IRS4: variants seen among roughly 807,000 people sequenced by gnomAD.
IRS4 encodes the protein 160 kDa phosphotyrosine protein.
In IRS4, 15 loss-of-function variants were observed where a neutral mutation model predicts 48.6. The observed-to-expected ratio is 0.31, with a 90% CI of 0.21 to 0.48. The LOEUF is 0.48. Ranked by LOEUF, IRS4 falls within the 20% of genes least tolerant of loss-of-function variation. The pLI, the probability that IRS4 is intolerant of heterozygous loss-of-function variation, is 0.99. For synonymous variants in IRS4, 459 were observed against 413.2 expected (o/e 1.11, Z -1.34); for missense variants, 987 against 1,023.4 (o/e 0.96, Z 0.49).
In IRS4 at chrX:108,734,579, C is replaced by G. The variant is rs149144348; in HGVS notation, c.1766G>C (p.Gly589Ala). 2.5e-6 allele frequency: 3 copies of G among 1,209,672 alleles called. No individual in the cohort carries two copies. Among genetic ancestry groups the G allele is most frequent in the African/African-American group, 3.5e-5 (2 of 57,021 alleles). The change falls in exon 1 of 2, where the codon GGG becomes GCG. Residue 589 changes from glycine (G) to alanine (A), a missense_variant. Coordinates refer to ENST00000372129, the MANE Select transcript of IRS4 (RefSeq NM_001379150.1). ...GHGSGGGKNS[G>A]GGKGSGSGKG... is the part of the protein sequence containing the mutation. ...CCCACTTCCTGAGCCTTTGCCCCCCCCAGAGTTCTTGCCACCACCTGAGCC... is the reference window on the plus strand; with the variant it reads ...CCCACTTCCTGAGCCTTTGCCCCCCGCAGAGTTCTTGCCACCACCTGAGCC...
rs1329235195 is a variant in IRS4, at chrX:108,721,620, T to A, written c.*899A>T. 9.1e-6 allele frequency: 1 copy of A among 110,493 alleles called. No individual in the cohort carries two copies. Among genetic ancestry groups the A allele is most frequent in the Non-Finnish European group, 1.9e-5 (1 of 52,798 alleles). The allele number at this position is 110,493 out of a possible 1,213,427, so 9.1% of individuals were successfully genotyped here. A position where few individuals can be genotyped will look rare whatever the true frequency, so the allele number is the denominator to read the frequency against. Reference sequence around the variant, plus strand: ...GGAGAAAGAATAAGAAAAAGTAGAATAGAGGTTGAAAGTGGGGAGAGGCCC... The same window carrying A: ...GGAGAAAGAATAAGAAAAAGTAGAAAAGAGGTTGAAAGTGGGGAGAGGCCC... On this transcript the variant is annotated 3_prime_UTR_variant, in exon 2 of 2. Coordinates refer to ENST00000372129, the MANE Select transcript of IRS4 (RefSeq NM_001379150.1).
In IRS4 at chrX:108,736,234, C is replaced by A; in HGVS notation, c.111G>T (p.Ser37=). 8.3e-7 allele frequency: 1 copy of A among 1,210,939 alleles called. No individual in the cohort carries two copies. Among genetic ancestry groups the A allele is most frequent in the Non-Finnish European group, 1.1e-6 (1 of 895,379 alleles). ...TCCCAATGAGTGCGGTCGGGGTTCC[C>A]GAGGAAAGAAGCGGGGTGGTCACCA... The part of the protein sequence containing the change: ...AAVVTTPLLS[S]GTPTALIGTG... Residue 37 remains serine (S), a synonymous_variant, in exon 1 of 2, where the codon TCG becomes TCT. Coordinates refer to ENST00000372129, the MANE Select transcript of IRS4 (RefSeq NM_001379150.1).
At position 108,733,130 on chromosome X, in the gene IRS4, G is replaced by C; in HGVS notation, c.3215C>G (p.Ala1072Gly). The change falls in exon 1 of 2, where the codon GCT (alanine) becomes GGT (glycine). Residue 1072 changes from alanine (A) to glycine (G), a missense_variant. Ala to Gly is a moderately conservative substitution (Grantham distance 60). Transcript: ENST00000372129. ...PSRCSEPPPV[A>G]RLLQEEEQER... Reference sequence around the variant, plus strand: ...CTGCTCTTCTTCCTGCAGCAGCCTAGCTACAGGTGGTGGTTCAGAACATCG... The same window carrying C: ...CTGCTCTTCTTCCTGCAGCAGCCTACCTACAGGTGGTGGTTCAGAACATCG... 8.3e-7 allele frequency: 1 copy of C among 1,211,338 alleles called. No homozygotes were observed. The highest frequency in any genetic ancestry group is 1.1e-6 in the Non-Finnish European group (1 of 895,049).
Position 108,734,674 on chromosome X carries a change from A to G in IRS4, c.1671T>C (p.Gly557=). ...CTCCAGGTCTCTGGCCACCACCTGA[A>G]CCGTGCCCACCTGCGGTGCCCTGGC... ...RDGQGTAGGH[G]SGGGQRPGGG... is the part of the protein sequence containing the mutation. The change falls in exon 1 of 2, where the codon GGT becomes GGC. Residue 557 remains glycine, a synonymous_variant. Coordinates refer to ENST00000372129, the MANE Select transcript of IRS4 (RefSeq NM_001379150.1). The G allele has an allele frequency of 8.3e-7, 1 of 1,209,887 alleles. No homozygotes were observed.
chrX:108,734,597 C>T lies in IRS4; in HGVS notation c.1748G>A (p.Gly583Asp). The change falls in exon 1 of 2, where the codon GGT (glycine) becomes GAT (aspartate). Residue 583 changes from glycine (G) to aspartate (D), a missense_variant. By Grantham distance (94) the Gly-to-Asp change is moderately conservative. Coordinates refer to ENST00000372129, the MANE Select transcript of IRS4 (RefSeq NM_001379150.1). Reference protein sequence around the residue: ...GQGPGDGHGSGGGKNSGGGKG... With the variant: ...GQGPGDGHGSDGGKNSGGGKG... ...GCCCCCCCCAGAGTTCTTGCCACCA[C>T]CTGAGCCATGGCCATCTCCAGGTCC... The T allele has an allele frequency of 6.6e-6, 8 of 1,211,840 alleles. No individual in the cohort carries two copies. Among genetic ancestry groups the T allele is most frequent in the Non-Finnish European group, 7.8e-6 (7 of 895,532 alleles).
In IRS4 at chrX:108,722,023, T is replaced by C. The variant is rs1053879127; in HGVS notation, c.*496A>G. The C allele has an allele frequency of 3.6e-5, 4 of 112,131 alleles. No homozygotes were observed. In the Admixed American group the frequency reaches 3.8e-4, roughly 11 times the overall value. 9.2% of individuals were successfully genotyped at this position (112,131 alleles called of 1,213,427 possible). ...AAGAAATGTTTTGTGTGTGTAATACTCGGAAAAAAGATTCCAGATCATACC... is the reference window on the plus strand; with the variant it reads ...AAGAAATGTTTTGTGTGTGTAATACCCGGAAAAAAGATTCCAGATCATACC... On this transcript the variant is annotated 3_prime_UTR_variant, in exon 2 of 2. Transcript: ENST00000372129.
rs747824939 is a variant in IRS4, at chrX:108,732,742, G to T, written c.3603C>A (p.Asn1201Lys). Residue 1201 changes from asparagine (N) to lysine (K), a missense_variant, in exon 1 of 2, where the codon AAC (asparagine) becomes AAA (lysine). Physicochemically the swap from Asn to Lys is moderately conservative, Grantham distance 94 (BLOSUM62 0). Coordinates refer to ENST00000372129, the MANE Select transcript of IRS4 (RefSeq NM_001379150.1). ...NPSANLARGD[N>K]QAGGAAAAAA... ...CTGCAGCGGCAGCCCCGCCAGCCTGGTTATCACCTCTGGCAAGGTTTGCAG... is the reference window on the plus strand; with the variant it reads ...CTGCAGCGGCAGCCCCGCCAGCCTGTTTATCACCTCTGGCAAGGTTTGCAG... 2.5e-6 allele frequency: 3 copies of T among 1,209,483 alleles called. No individual in the cohort carries two copies. Among genetic ancestry groups the T allele is most frequent in the Non-Finnish European group, 3.4e-6 (3 of 894,792 alleles).
chrX:108,728,711 G>C (rs1443861824), intron 1 of IRS4, among the ~76,000 whole-genome samples: 1 of 111,680 alleles, frequency 9.0e-6, no homozygotes, highest in African/African-American at 3.3e-5. Flanking sequence ...CTATTCCTTA[G>C]TTCTCCCTAC....
In IRS4 at chrX:108,734,939, C is replaced by T; in HGVS notation, c.1406G>A (p.Gly469Glu). 8.3e-7 allele frequency: 1 copy of T among 1,212,021 alleles called. No homozygotes were observed. Among genetic ancestry groups the T allele is most frequent in the South Asian group, 1.8e-5 (1 of 56,995 alleles). Reference sequence around the variant, plus strand: ...TTTGCCCTGGGGATTGCCTTCCTCCCCAAAGTTGCCAGAGCCAGAACCAGA... The same window carrying T: ...TTTGCCCTGGGGATTGCCTTCCTCCTCAAAGTTGCCAGAGCCAGAACCAGA... Reference protein sequence around the residue: ...EVSGSGSGNFGEEGNPQGKED... With the variant: ...EVSGSGSGNFEEEGNPQGKED... The change falls in exon 1 of 2, where the codon GGG becomes GAG. Residue 469 changes from glycine to glutamate, a missense_variant. Physicochemically the swap from Gly to Glu is moderately conservative, Grantham distance 98. Coordinates refer to ENST00000372129, the MANE Select transcript of IRS4 (RefSeq NM_001379150.1).
At chrX:108,725,745 A>G (rs980420881) in intron 1 of IRS4, 1 of 112,003 alleles carries the variant, frequency 8.9e-6, no homozygotes, top group Non-Finnish European at 1.9e-5. Context: ...ATACCAGACT[A>G]TTATCTCCTT....
chrX:108,735,330 G>C lies in IRS4; in HGVS notation c.1015C>G (p.Arg339Gly), dbSNP rs202096691. Reference protein sequence around the residue: ...RALCADEYRARCRSYSISIGA... With the variant: ...RALCADEYRAGCRSYSISIGA... ...ATGCTGATGCTGTAGCTGCGGCAGC[G>C]GGCTCTGTATTCGTCTGCACACAAG... Residue 339 changes from arginine to glycine, a missense_variant, in exon 1 of 2, where the codon CGC becomes GGC. Physicochemically the swap from Arg to Gly is moderately radical, Grantham distance 125. Coordinates refer to ENST00000372129, the MANE Select transcript of IRS4 (RefSeq NM_001379150.1). 33 of 1,209,385 alleles carry C rather than the reference G, an allele frequency of 2.7e-5. 1 individual carries two copies. The highest frequency in any genetic ancestry group is 8.7e-5 in the Admixed American group (4 of 45,794).
At position 108,735,722 on chromosome X, in the gene IRS4, G is replaced by A. The variant is rs749875762; in HGVS notation, c.623C>T (p.Thr208Met). The A allele has an allele frequency of 5.1e-6, 6 of 1,177,682 alleles. No homozygotes were observed. Among genetic ancestry groups the A allele is most frequent in the Non-Finnish European group, 6.8e-6 (6 of 880,244 alleles). The stretch of plus-strand genomic sequence containing the variant: ...CTCTCCGTCCGGCTGCGCGCCGAGC[G>A]TGCCGCAGCGGCGGCGCTTGCTCTC... ...ILESKRRRCG[T>M]LGAQPDGEPA... The change falls in exon 1 of 2, where the codon ACG becomes ATG. Residue 208 changes from threonine (T) to methionine (M), a missense_variant. By Grantham distance (81) the Thr-to-Met change is moderately conservative (BLOSUM62 -1). Around this residue, in one of 4 missense-constraint regions of IRS4, gnomAD observed 173 missense variants for 208.9 expected, o/e 0.83. Coordinates refer to ENST00000372129, the MANE Select transcript of IRS4 (RefSeq NM_001379150.1).
chrX:108,736,425 C>A lies in IRS4; in HGVS notation c.-81G>T, dbSNP rs962458711. 2 of 1,173,282 alleles carry A rather than the reference C, an allele frequency of 1.7e-6. No individual in the cohort carries two copies. Among genetic ancestry groups the A allele is most frequent in the Admixed American group, 2.4e-5 (1 of 40,900 alleles). On this transcript the variant is annotated 5_prime_UTR_variant, in exon 1 of 2. Transcript: ENST00000372129. ...AGGGTTGGGGGAAGAGGCTGTCTAC[C>A]CTCGTCTGCCCGCCCCAGCCCCCTC...
Position 108,732,675 on chromosome X carries a change from T to C in IRS4, c.3670A>G (p.Arg1224Gly), listed in dbSNP as rs1342828665. 2 of 1,209,876 alleles carry C rather than the reference T, an allele frequency of 1.7e-6. No individual in the cohort carries two copies. The highest frequency in any genetic ancestry group is 4.4e-5 in the Admixed American group (2 of 45,836). Residue 1224 changes from arginine (R) to glycine (G), a missense_variant, in exon 1 of 2, where the codon AGA becomes GGA. This residue lies in a region of IRS4 where 720 missense variants were observed against 660.3 expected (regional missense o/e 1.09). Transcript: ENST00000372129. ...EPPPRSRRVP[R>G]PPEREDSDND... is the part of the protein sequence containing the mutation. ...TCAGAATCTTCTCTCTCCGGGGGTC[T>C]TGGCACCCGGCGACTGCGAGGTGGT... is the stretch of plus-strand genomic sequence containing the variant.
rs1373514308 is a variant in IRS4, at chrX:108,722,101, T to C, written c.*418A>G. 8.9e-6 allele frequency: 1 copy of C among 112,340 alleles called. No homozygotes were observed. The highest frequency in any genetic ancestry group is 1.9e-5 in the Non-Finnish European group (1 of 53,362). The allele number at this position is 112,340 out of a possible 1,213,427, so 9.3% of individuals were successfully genotyped here. A position where few individuals can be genotyped will look rare whatever the true frequency, so the allele number is the denominator to read the frequency against. On this transcript the variant is annotated 3_prime_UTR_variant, in exon 2 of 2. Transcript: ENST00000372129. ...TCTTTATGTGCCCTGGTTTAAAGTT[T>C]TTCAACTTCAAAATTGAATCTAAAT...
chrX:108,720,092 T>C lies in IRS4; in HGVS notation c.*2427A>G, dbSNP rs2068850674. ...CGAGATGTTTACAAGGAAAAGAAAGTACAAGAGTATTTACAAAGGAAGACA... is the reference window on the plus strand; with the variant it reads ...CGAGATGTTTACAAGGAAAAGAAAGCACAAGAGTATTTACAAAGGAAGACA... On this transcript the variant is annotated 3_prime_UTR_variant, in exon 2 of 2. Coordinates refer to ENST00000372129, the MANE Select transcript of IRS4 (RefSeq NM_001379150.1). 9.0e-6 allele frequency: 1 copy of C among 111,449 alleles called. No individual in the cohort carries two copies. Among genetic ancestry groups the C allele is most frequent in the Non-Finnish European group, 1.9e-5 (1 of 53,080 alleles). The allele number at this position is 111,449 out of a possible 1,213,427, so 9.2% of individuals were successfully genotyped here.
intron 1 of IRS4, among the ~76,000 whole-genome samples, chrX:108,727,194 A>G (rs1221759182): frequency 2.7e-5 from 3 of 112,547 alleles, no homozygotes; most frequent in Non-Finnish European, 5.6e-5. Context: ...ATTTCACTTA[A>G]TAAGTATTTA....
In IRS4 at chrX:108,732,884, C is replaced by A. The variant is rs746433889; in HGVS notation, c.3461G>T (p.Gly1154Val). The change falls in exon 1 of 2, where the codon GGA (glycine) becomes GTA (valine). Residue 1154 changes from glycine to valine, a missense_variant. Physicochemically the swap from Gly to Val is moderately radical, Grantham distance 109 (BLOSUM62 -3). This residue lies in a region of IRS4 where 720 missense variants were observed against 660.3 expected (regional missense o/e 1.09). Coordinates refer to ENST00000372129, the MANE Select transcript of IRS4 (RefSeq NM_001379150.1). Reference protein sequence around the residue: ...PGIGAAAAAAGFDSASARWFQ... With the variant: ...PGIGAAAAAAVFDSASARWFQ... ...CCAGCGGGCAGAGGCGGAGTCAAAT[C>A]CAGCAGCTGCGGCTGCTGCGCCGAT... 5 of 1,166,853 alleles carry A rather than the reference C, an allele frequency of 4.3e-6. No homozygotes were observed. In the East Asian group the frequency reaches 9.0e-5, roughly 21 times the overall value.
Position 108,734,534 on chromosome X carries a change from C to T in IRS4, c.1811G>A (p.Gly604Asp). 8.3e-7 allele frequency: 1 copy of T among 1,211,495 alleles called. No homozygotes were observed. The highest frequency in any genetic ancestry group is 1.1e-6 in the Non-Finnish European group (1 of 895,487). ...TTTCTTCAGAGATTTTCCACGTTCA[C>T]CATCACCATCGGATCCTTTCCCACT... Reference protein sequence around the residue: ...SGSGKGSDGDGERGKSLKKRS... With the variant: ...SGSGKGSDGDDERGKSLKKRS... The change falls in exon 1 of 2, where the codon GGT becomes GAT. Residue 604 changes from glycine to aspartate, a missense_variant. This residue lies in a region of IRS4 where 720 missense variants were observed against 660.3 expected (regional missense o/e 1.09). Coordinates refer to ENST00000372129, the MANE Select transcript of IRS4 (RefSeq NM_001379150.1).
Sources: gnomAD v4.1 joint callset for allele counts (sites outside exome capture counted in the v4.1 genomes callset) on GRCh38, gnomAD v4.1.1 for gene constraint, gnomAD v4.1.1 regional missense constraint, MANE v1.5 for transcripts, NCBI Gene and HGNC (gene_info 2026-07-23, HGNC 2026-07-21) for gene names.